Variants in MINAR1 observed in about 807,000 individuals in gnomAD.
MINAR1 encodes membrane integral NOTCH2 associated receptor 1, also known as major intrinsically disordered Notch2-binding receptor 1.
Under a neutral mutation model 65.1 loss-of-function variants are expected in MINAR1, and 40 were observed. The observed-to-expected ratio is 0.61, with a 90% CI of 0.48 to 0.80. The LOEUF is 0.80. MINAR1 is among the 30% of genes least tolerant of loss of function. MINAR1 has a pLI of 0.00. For synonymous variants in MINAR1, 482 were observed against 449.1 expected (o/e 1.07, Z -0.93); for missense variants, 1,128 against 1,148.0 (o/e 0.98, Z 0.25).
chr15:79,442,233 T>C (rs956819052), intron 1 of MINAR1, among the ~76,000 whole-genome samples: 2 of 152,144 alleles, frequency 1.3e-5, no homozygotes, highest in Non-Finnish European at 2.9e-5. Flanking sequence ...ATCTGTAATT[T>C]ACTTTTGTCA....
At chr15:79,460,375 G>C (rs1895602232) in intron 2 of MINAR1, among the ~76,000 whole-genome samples, 1 of 152,144 alleles carries the variant, frequency 6.6e-6, no homozygotes, top group Non-Finnish European at 1.5e-5. Flanking sequence ...TAAAAACAGT[G>C]TTCCCTCTCA....
chr15:79,464,220 T>C (rs1177870259), intron 3 of MINAR1, among the ~76,000 whole-genome samples: 4 of 152,224 alleles, frequency 2.6e-5, no homozygotes, highest in Non-Finnish European at 4.4e-5. Context: ...CTCCATCTGA[T>C]TGAGGTTCAG....
At chr15:79,425,666 G>C in the MINAR1 span, 1 of 152,142 alleles carries the variant, frequency 6.6e-6, no homozygotes, top group South Asian at 2.1e-4. Context: ...TTGAGCATTG[G>C]AGTGGCAAAG....
chr15:79,430,801 T>C (rs544831941), upstream of MINAR1, among the ~76,000 whole-genome samples: 66 of 152,376 alleles, frequency 4.3e-4, 1 homozygote, highest in Middle Eastern at 0.01. Flanking sequence ...TGGGAAAATC[T>C]AGTTGTCAAC....
Position 79,468,358 on chromosome 15 carries a change from G to C in MINAR1, c.2725G>C (p.Val909Leu), listed in dbSNP as rs780870691. The C allele has an allele frequency of 1.3e-5, 21 of 1,613,816 alleles. No individual in the cohort carries two copies. The highest frequency in any genetic ancestry group is 1.4e-5 in the Non-Finnish European group (16 of 1,179,984). Residue 909 changes from valine (V) to leucine (L), a missense_variant, in exon 4 of 4, where the codon GTG becomes CTG. By Grantham distance (32) the Val-to-Leu change is conservative. Coordinates refer to ENST00000305428, the MANE Select transcript of MINAR1 (RefSeq NM_015206.3). Reference sequence around the variant, plus strand: ...ATGCACCGTCATCCTCGTTATTGTCGTGCCCATCTGCACAATGAAATCATG... The same window carrying C: ...ATGCACCGTCATCCTCGTTATTGTCCTGCCCATCTGCACAATGAAATCATG... ...AACTVILVIV[V>L]PICTMKS
chr15:79,458,288 A>G lies in MINAR1; in HGVS notation c.2141A>G (p.Glu714Gly). ...AGGCCATCCTCTAGGTCCCTAACAG[A>G]GGAGAACAGTGCCACAGAGTCCAAA... ...FTRPSSRSLTEENSATESKIA... is the reference protein window; with the variant it reads ...FTRPSSRSLTGENSATESKIA... Residue 714 changes from glutamate to glycine, a missense_variant, in exon 2 of 4, where the codon GAG (glutamate) becomes GGG (glycine). Glu to Gly is a moderately conservative substitution (Grantham distance 98). Coordinates refer to ENST00000305428, the MANE Select transcript of MINAR1 (RefSeq NM_015206.3). 1 of 1,612,208 alleles carries G rather than the reference A, an allele frequency of 6.2e-7. No homozygotes were observed. The highest frequency in any genetic ancestry group is 8.5e-7 in the Non-Finnish European group (1 of 1,178,214).
At chr15:79,413,306 A>C in the MINAR1 span, 1 of 152,254 alleles carries the variant, frequency 6.6e-6, no homozygotes, top group Non-Finnish European at 1.5e-5. Flanking sequence ...AAGCACTGGC[A>C]GGTCAATCGT....
chr15:79,468,180 C>T lies in MINAR1; in HGVS notation c.2554-7C>T, dbSNP rs1259810914. On this transcript the variant is annotated splice_region_variant and splice_polypyrimidine_tract_variant and intron_variant, in intron 3 of 3. Coordinates refer to ENST00000305428, the MANE Select transcript of MINAR1 (RefSeq NM_015206.3). Reference sequence around the variant, plus strand: ...CTGTATTTCTAACATCTTCTCTTCGCTTTTAGACGCAAGAATCTTTAAACC... The same window carrying T: ...CTGTATTTCTAACATCTTCTCTTCGTTTTTAGACGCAAGAATCTTTAAACC... The T allele has an allele frequency of 9.9e-6, 16 of 1,610,724 alleles. No homozygotes were observed. The highest frequency in any genetic ancestry group is 1.4e-5 in the Non-Finnish European group (16 of 1,177,488).
At chr15:79,418,417 A>G in the MINAR1 span, 1 of 152,258 alleles carries the variant, frequency 6.6e-6, no homozygotes, top group Non-Finnish European at 1.5e-5. Flanking sequence ...TAGTGGCATT[A>G]GCATGGTTTC....
In MINAR1 at chr15:79,436,866, C is replaced by G. The variant is rs571323662; in HGVS notation, c.-51+4326C>G. Among the ~76,000 whole-genome samples, 15 of 152,324 alleles carry G rather than the reference C, an allele frequency of 9.8e-5. No homozygotes were observed. In the South Asian group the frequency reaches 1.5e-3, roughly 15 times the overall value. On this transcript the variant is annotated intron_variant, in intron 1 of 3. Coordinates refer to ENST00000305428, the MANE Select transcript of MINAR1 (RefSeq NM_015206.3). The stretch of plus-strand genomic sequence containing the variant: ...AACTTCATACTGCAAAAACTCTCAG[C>G]CAGTGAGCCCTCCACTGTCCCCAAC...
At chr15:79,422,370 G>C in the MINAR1 span, 1 of 152,034 alleles carries the variant, frequency 6.6e-6, no homozygotes, top group Non-Finnish European at 1.5e-5. Flanking sequence ...GGCCAACGTG[G>C]TGAAACCCCG....
At chr15:79,448,884 C>G (rs1895100271) in intron 1 of MINAR1, among the ~76,000 whole-genome samples, 1 of 152,176 alleles carries the variant, frequency 6.6e-6, no homozygotes, top group Non-Finnish European at 1.5e-5. Context: ...TCATCTCTCT[C>G]TCTTTTTGCT....
At position 79,457,903 on chromosome 15, in the gene MINAR1, C is replaced by T. The variant is rs28649313; in HGVS notation, c.1756C>T (p.His586Tyr). The change falls in exon 2 of 4, where the codon CAC becomes TAC. Residue 586 changes from histidine (H) to tyrosine (Y), a missense_variant. His to Tyr is a moderately conservative substitution (Grantham distance 83, BLOSUM62 2). Transcript: ENST00000305428. ...GDKGNRPENT[H>Y]HSEEELKTSV... The stretch of plus-strand genomic sequence containing the variant: ...CAAGGGCAACCGGCCTGAAAACACC[C>T]ACCACTCGGAAGAAGAGCTGAAGAC... 1.3e-3 allele frequency: 2,098 copies of T among 1,614,110 alleles called. 37 individuals are homozygous for T. In the African/African-American group the frequency reaches 0.025, roughly 19 times the overall value.
intron 1 of MINAR1, among the ~76,000 whole-genome samples, chr15:79,437,538 G>C (rs558519464): frequency 6.6e-6 from 1 of 150,820 alleles, no homozygotes; most frequent in African/African-American, 2.4e-5. Flanking sequence ...GGTAATGAGT[G>C]AATGTGGGTG....
chr15:79,435,765 A>G lies in MINAR1; in HGVS notation c.-51+3225A>G, dbSNP rs147843543. Among the ~76,000 whole-genome samples the G allele has an allele frequency of 1.8e-4, 28 of 152,372 alleles. No homozygotes were observed. The East Asian group carries it at 5.0e-3, about 27-fold the overall frequency. ...TTGATTTATTTGTTGCTATATCTCT[A>G]GTGCCTGGCACAGACAGATTTTGGC... On this transcript the variant is annotated intron_variant, in intron 1 of 3. Transcript: ENST00000305428.
upstream of MINAR1, among the ~76,000 whole-genome samples, chr15:79,430,690 A>AT (rs1894415855): frequency 6.6e-6 from 1 of 152,186 alleles, no homozygotes; most frequent in Non-Finnish European, 1.5e-5. Flanking sequence ...CCTACTTTAC[A>AT]TTTTCAAATC....
intron 3 of MINAR1, chr15:79,463,653 C>A: frequency 7.4e-6 from 4 of 538,534 alleles, no homozygotes; most frequent in South Asian, 6.1e-5. Flanking sequence ...CTGAGCCAAA[C>A]TGTTTAATGA....
chr15:79,457,424 T>C lies in MINAR1; in HGVS notation c.1277T>C (p.Ile426Thr). The change falls in exon 2 of 4, where the codon ATT becomes ACT. Residue 426 changes from isoleucine to threonine, a missense_variant. Physicochemically the swap from Ile to Thr is moderately conservative, Grantham distance 89 (BLOSUM62 -1). Transcript: ENST00000305428. ...VPKDQQPILP[I>T]AYAAKQNGLK... ...AAGGATCAACAGCCAATTCTCCCCA[T>C]TGCTTATGCGGCAAAACAAAATGGG... The C allele has an allele frequency of 6.2e-7, 1 of 1,614,190 alleles. No individual in the cohort carries two copies. The highest frequency in any genetic ancestry group is 2.2e-5 in the East Asian group (1 of 44,886).
upstream of MINAR1, among the ~76,000 whole-genome samples, chr15:79,427,699 A>G (rs1894344940): frequency 6.6e-6 from 1 of 152,220 alleles, no homozygotes; most frequent in Non-Finnish European, 1.5e-5. Context: ...CCTGAAAATT[A>G]TATCTTAAAT....
Sources: gnomAD v4.1 joint callset for allele counts (sites outside exome capture counted in the v4.1 genomes callset) on GRCh38, gnomAD v4.1.1 for gene constraint, MANE v1.5 for transcripts, NCBI Gene and HGNC (gene_info 2026-07-23, HGNC 2026-07-21) for gene names.